USP30: variants seen among roughly 807,000 people sequenced by gnomAD.
The protein encoded by USP30 is ubiquitin carboxyl-terminal hydrolase 30.
A neutral mutation model predicts 68.2 loss-of-function variants in USP30; 41 were observed. The ratio of observed to expected loss-of-function variants is 0.60; its 90% CI spans 0.47 to 0.78. USP30 has a LOEUF of 0.78. USP30 is among the 30% of genes least tolerant of loss of function. The probability of loss-of-function intolerance (pLI) is 0.00; values close to 1 mark genes in which losing one functional copy is unlikely to be tolerated. For missense variants in USP30, 522 were observed against 649.4 expected, an observed-to-expected ratio of 0.80 and a Z score of 2.13; for synonymous variants, 229 against 253.7, an observed-to-expected ratio of 0.90 and a Z score of 0.93.
At chr12:109,028,002 T>G (rs1348772471) in intron 3 of USP30, among the ~76,000 whole-genome samples, 1 of 152,202 alleles carries the variant, frequency 6.6e-6, no homozygotes, top group Admixed American at 6.5e-5. Context: ...CCATTTTACA[T>G]TCCCACCAGC....
intron 11 of USP30, among the ~76,000 whole-genome samples, chr12:109,084,505 G>T (rs2041892519): frequency 6.6e-6 from 1 of 152,158 alleles, no homozygotes; most frequent in Admixed American, 6.5e-5. Context: ...TGGGGGAGGG[G>T]TGCTACTGGT....
In USP30 at chr12:109,070,175, G is replaced by T. The variant is rs2041392524; in HGVS notation, c.481-1437G>T. Among the ~76,000 whole-genome samples the T allele has an allele frequency of 6.6e-6, 1 of 152,188 alleles. No individual in the cohort carries two copies. The highest frequency in any genetic ancestry group is 2.4e-5 in the African/African-American group (1 of 41,438). ...GCAAGAATGCAAGCCGAGAGGAAAGGTGGGAGGCCGCTGCAGTTATCTGGC... is the reference window on the plus strand; with the variant it reads ...GCAAGAATGCAAGCCGAGAGGAAAGTTGGGAGGCCGCTGCAGTTATCTGGC... On this transcript the variant is annotated intron_variant, in intron 4 of 12. Coordinates refer to ENST00000257548, the MANE Select transcript of USP30 (RefSeq NM_032663.5). This position sits in a 1 kb window ranked among gnomAD's most constrained non-coding sequence, Gnocchi z 4.0.
intron 1 of USP30, among the ~76,000 whole-genome samples, chr12:109,055,572 G>A (rs1171451671): frequency 6.8e-6 from 1 of 147,054 alleles, no homozygotes; most frequent in African/African-American, 2.5e-5. Flanking sequence ...GCTAATTTTT[G>A]TATTTTTAGT....
At chr12:109,066,015 G>T (rs1035331823) in intron 3 of USP30, among the ~76,000 whole-genome samples, 6 of 152,078 alleles carry the variant, frequency 3.9e-5, no homozygotes, top group Non-Finnish European at 8.8e-5. Context: ...ACGTTGGGAG[G>T]CCAAGGTGGG....
intron 7 of USP30, 91 bp from the exon 8 acceptor site, chr12:109,081,243 A>G (rs1238911341): frequency 4.9e-6 from 6 of 1,231,992 alleles, no homozygotes; most frequent in Non-Finnish European, 7.1e-6. Context: ...GCATCTCAAT[A>G]TTAAACTGTT....
chr12:109,036,035 C>A (rs770813615), intron 3 of USP30, among the ~76,000 whole-genome samples: 2 of 152,138 alleles, frequency 1.3e-5, no homozygotes, highest in African/African-American at 2.4e-5. Flanking sequence ...TGGCCCATGG[C>A]TGTAGTCCCA....
chr12:109,026,176 A>G (rs954324347), intron 2 of USP30, among the ~76,000 whole-genome samples: 4 of 151,908 alleles, frequency 2.6e-5, no homozygotes, highest in Non-Finnish European at 5.9e-5. Flanking sequence ...CCCAGGCTCA[A>G]ATCATCCTCC....
chr12:109,026,088 T>A (rs2040442974), intron 2 of USP30, among the ~76,000 whole-genome samples: 1 of 152,168 alleles, frequency 6.6e-6, no homozygotes, highest in Admixed American at 6.5e-5. Flanking sequence ...TTAAAATAAA[T>A]TTTTTGAAAC....
At chr12:109,026,995 G>A (rs1017294926) in intron 2 of USP30, among the ~76,000 whole-genome samples, 1 of 152,144 alleles carries the variant, frequency 6.6e-6, no homozygotes, top group African/African-American at 2.4e-5. Flanking sequence ...ATGACCTTCT[G>A]TAACCCTGAT....
chr12:109,072,364 A>G lies in USP30; in HGVS notation c.625+14A>G, dbSNP rs753946613. The G allele has an allele frequency of 1.9e-6, 3 of 1,611,002 alleles. No individual in the cohort carries two copies. The highest frequency in any genetic ancestry group is 2.5e-6 in the Non-Finnish European group (3 of 1,177,312). On this transcript the variant is annotated intron_variant, in intron 6 of 12. Transcript: ENST00000257548. ...GCCGCACAAGAGGTAGCTGTTTTCC[A>G]TTGAAATATAACACATAAGATGTGG...
chr12:109,068,140 G>A (rs2041318175), intron 4 of USP30, among the ~76,000 whole-genome samples: 1 of 152,012 alleles, frequency 6.6e-6, no homozygotes, highest in Admixed American at 6.6e-5. Flanking sequence ...TGCCTTTTTT[G>A]GAACTTGGCC....
intron 3 of USP30, 48 bp downstream of exon 3, chr12:109,058,156 T>G: frequency 6.5e-7 from 1 of 1,538,356 alleles, no homozygotes; most frequent in South Asian, 1.2e-5. Flanking sequence ...TTCAAAGAAG[T>G]CCAGATGACA....
chr12:109,048,486 A>G (rs1018827625), upstream of USP30, among the ~76,000 whole-genome samples: 1 of 152,028 alleles, frequency 6.6e-6, no homozygotes, highest in Non-Finnish European at 1.5e-5. Context: ...CCAGGGGGTC[A>G]CTTGTGGGCA....
intron 3 of USP30, among the ~76,000 whole-genome samples, chr12:109,059,600 G>A (rs574051477): frequency 6.6e-5 from 10 of 152,192 alleles, no homozygotes; most frequent in Middle Eastern, 3.4e-3. Context: ...TGCAACCTCC[G>A]CCTCCCGGGT....
At chr12:109,058,212 C>A in intron 3 of USP30, 104 bp downstream of exon 3, 1 of 1,220,728 alleles carries the variant, frequency 8.2e-7, no homozygotes, top group Non-Finnish European at 1.1e-6. Flanking sequence ...AGGAAAAGAT[C>A]ATACAGATCA....
chr12:109,053,943 T>C, intron 1 of USP30: 1 of 454,660 alleles, frequency 2.2e-6, no homozygotes, highest in South Asian at 1.6e-5. Flanking sequence ...AGAGCCATGT[T>C]CCTTCACTCA....
At chr12:109,083,697 T>C (rs1441497803) in intron 11 of USP30, among the ~76,000 whole-genome samples, 1 of 152,112 alleles carries the variant, frequency 6.6e-6, no homozygotes, top group South Asian at 2.1e-4. Context: ...CTGAGTTCTT[T>C]AGAGTTAGAC....
chr12:109,050,258 C>A (rs962486530), upstream of USP30, among the ~76,000 whole-genome samples: 2 of 152,208 alleles, frequency 1.3e-5, no homozygotes, highest in Non-Finnish European at 2.9e-5. Context: ...CACGCCACTG[C>A]ACTCCAGCCT....
chr12:109,054,886 T>C (rs1199695238), intron 1 of USP30: 4 of 152,220 alleles, frequency 2.6e-5, no homozygotes, highest in Non-Finnish European at 5.9e-5. Context: ...TCAGCTATGA[T>C]ACTAAGAAAT....
Sources: allele counts gnomAD v4.1 joint callset (sites outside exome capture counted in the v4.1 genomes callset), GRCh38; gene constraint gnomAD v4.1.1; non-coding constraint Gnocchi (gnomAD v3.1); transcripts MANE v1.5; gene names NCBI Gene and HGNC (gene_info 2026-07-23, HGNC 2026-07-21).